KCTD14: variants seen among roughly 807,000 people sequenced by gnomAD.
KCTD14 encodes potassium channel tetramerization domain containing 14.
A neutral mutation model predicts 5.9 loss-of-function variants in KCTD14; 7 were observed. The ratio of observed to expected loss-of-function variants is 1.19; its 90% CI spans 0.68 to 2.23. The LOEUF is 2.23. Among genes scored for constraint, KCTD14 ranks in the 30% most tolerant of loss-of-function variants. The pLI is 0.00. For synonymous variants in KCTD14, 140 were observed against 133.1 expected (o/e 1.05, Z -0.36); for missense variants, 342 against 332.2 (o/e 1.03, Z -0.23).
At chr11:78,027,253 T>G (rs576272110), upstream of KCTD14, among the ~76,000 whole-genome samples, 3 of 152,228 alleles carry the variant, frequency 2.0e-5, no homozygotes, top group Non-Finnish European at 4.4e-5. Context: ...TTTCTGATTC[T>G]GAGGCATGGA....
upstream of KCTD14, among the ~76,000 whole-genome samples, chr11:78,026,047 G>T (rs1857453907): frequency 6.6e-6 from 1 of 152,164 alleles, no homozygotes; most frequent in South Asian, 2.1e-4. Flanking sequence ...ATTTTGCCAA[G>T]GTTAAGAACA....
At chr11:78,026,269 T>C (rs553947014), upstream of KCTD14, among the ~76,000 whole-genome samples, 8 of 152,134 alleles carry the variant, frequency 5.3e-5, no homozygotes, top group Middle Eastern at 3.4e-3. Flanking sequence ...AAACCCCATC[T>C]CTACTAAAAA....
At chr11:78,044,347 C>G (rs559980762) in intron 1 of KCTD14, among the ~76,000 whole-genome samples, 1 of 152,196 alleles carries the variant, frequency 6.6e-6, no homozygotes, top group Non-Finnish European at 1.5e-5. Context: ...ACATGTGGAC[C>G]CCGCAGAAAA....
At chr11:78,022,491 T>C (rs1275027998) in intron 1 of KCTD14, among the ~76,000 whole-genome samples, 2 of 152,100 alleles carry the variant, frequency 1.3e-5, no homozygotes, top group African/African-American at 2.4e-5. Context: ...ATCATGGCCC[T>C]ATTAGAGAGA....
rs74678136 is a variant in KCTD14 at position 78,034,869 on chromosome 11, C to T, written c.-1+3795G>A. ...CATTTCCACCCTGCTTTTATTCACTCTCCTTTGTAAAGAACAACGGCTTTG... is the reference window on the plus strand; with the variant it reads ...CATTTCCACCCTGCTTTTATTCACTTTCCTTTGTAAAGAACAACGGCTTTG... On this transcript the variant is annotated intron_variant, in intron 2 of 2. Coordinates refer to the KCTD14 transcript ENST00000533144. Among the ~76,000 whole-genome samples, 12 of 152,294 alleles carry T rather than the reference C, an allele frequency of 7.9e-5. No homozygotes were observed. In the East Asian group the frequency reaches 1.9e-3, roughly 25 times the overall value.
chr11:78,016,976 A>G lies in KCTD14; in HGVS notation c.385T>C (p.Phe129Leu). The G allele has an allele frequency of 1.2e-6, 2 of 1,614,178 alleles. No individual in the cohort carries two copies. Among genetic ancestry groups the G allele is most frequent in the Non-Finnish European group, 1.7e-6 (2 of 1,180,036 alleles). ...TGCTTCCGAGACACCTGCTCACCAAAGATCTGTGGCATGTCCTCCAGCAGC... is the reference window on the plus strand; with the variant it reads ...TGCTTCCGAGACACCTGCTCACCAAGGATCTGTGGCATGTCCTCCAGCAGC... Reference protein sequence around the residue: ...VKLLEDMPQIFGEQVSRKQFL... With the variant: ...VKLLEDMPQILGEQVSRKQFL... Residue 129 changes from phenylalanine to leucine, a missense_variant, in exon 2 of 2, where the codon TTT (phenylalanine) becomes CTT (leucine). Phe to Leu is a conservative substitution (Grantham distance 22). Transcript: ENST00000353172.
At chr11:78,030,878 C>T (rs1857593400) in intron 2 of KCTD14, among the ~76,000 whole-genome samples, 1 of 152,042 alleles carries the variant, frequency 6.6e-6, no homozygotes, top group African/African-American at 2.4e-5. Context: ...GAGACCCCTG[C>T]CAACCCACAA....
chr11:78,025,114 GTGTGTATATATATATATATATATA>G (rs1273229735), upstream of KCTD14, among the ~76,000 whole-genome samples: 39 of 66,840 alleles, frequency 5.8e-4, no homozygotes, highest in African/African-American at 3.0e-3. Context: ...GTGTGTGTGT[GTGTGTATATATATATATATATATA>G]TATATATATA....
chr11:78,027,098 CA>C (rs571133491), upstream of KCTD14, among the ~76,000 whole-genome samples: 17 of 150,610 alleles, frequency 1.1e-4, no homozygotes, highest in Non-Finnish European at 2.2e-4. Flanking sequence ...GAATCCGTCT[CA>C]AAAAAAATTA....
chr11:78,023,118 C>A, intron 1 of KCTD14, 42 bp downstream of exon 1: 1 of 1,327,272 alleles, frequency 7.5e-7, no homozygotes, highest in East Asian at 2.5e-5. Flanking sequence ...AGGGAAGAGG[C>A]GGAGGACAGA....
chr11:78,018,407 A>T lies in KCTD14; in HGVS notation c.91-1137T>A, dbSNP rs543293964. On this transcript the variant is annotated intron_variant, in intron 1 of 1. Coordinates refer to ENST00000353172, the MANE Select transcript of KCTD14 (RefSeq NM_023930.4). ...TTTTAAATAGATTTAAGGAAAAAAA[A>T]TTTTTTTTTTAAGTAAAGGCCGGGC... 7.4e-3 allele frequency among the ~76,000 whole-genome samples: 1,097 copies of T among 148,184 alleles called. 15 individuals carry two copies. The highest frequency in any genetic ancestry group is 0.026 in the African/African-American group (1,039 of 40,464).
rs1485952714 is a variant in KCTD14, at chr11:78,017,220, G to GTACC, written c.140_141insGGTA (p.Leu48ValfsTer19). The stretch of plus-strand genomic sequence containing the variant: ...CCGGAAACTTCCTCAGGGTACCCAG[G>GTACC]GTGGTGGTGTGGAACTCACCCCCGA... On this transcript the variant is annotated frameshift_variant, in exon 2 of 2. Transcript: ENST00000353172. LOFTEE classifies it low-confidence loss of function (END_TRUNC). The GTACC allele has an allele frequency of 2.5e-6, 4 of 1,611,706 alleles. No homozygotes were observed. In the East Asian group the frequency reaches 8.9e-5, roughly 36 times the overall value.
intron 2 of KCTD14, among the ~76,000 whole-genome samples, chr11:78,028,814 G>A (rs535228785): frequency 2.6e-5 from 4 of 152,214 alleles, no homozygotes; most frequent in East Asian, 1.9e-4. Context: ...GGTGGCACAC[G>A]TGTGTAGTCA....
chr11:78,025,570 A>G (rs1372776904), upstream of KCTD14, among the ~76,000 whole-genome samples: 1 of 152,180 alleles, frequency 6.6e-6, no homozygotes, highest in Non-Finnish European at 1.5e-5. Flanking sequence ...AGTTTTGCTT[A>G]TGTTTGCAAA....
chr11:78,023,514 C>T, upstream of KCTD14: 2 of 464,216 alleles, frequency 4.3e-6, no homozygotes, highest in Non-Finnish European at 7.6e-6. Context: ...TTCTTTCTTT[C>T]TTTCTTTTTT....
intron 1 of KCTD14, among the ~76,000 whole-genome samples, chr11:78,039,489 A>G (rs1857929496): frequency 2.0e-5 from 3 of 151,594 alleles, no homozygotes; most frequent in Admixed American, 6.6e-5. Context: ...TGATCTCACC[A>G]CTGTACTCCA....
At chr11:78,045,279 A>T (rs1858103434) in intron 1 of KCTD14, among the ~76,000 whole-genome samples, 2 of 152,024 alleles carry the variant, frequency 1.3e-5, no homozygotes, top group Admixed American at 6.6e-5. Context: ...ATTTTTTTGT[A>T]TTTTTTGTAG....
rs535223576 is a variant in KCTD14 at position 78,041,742 on chromosome 11, G to A, written c.-95-2984C>T. Among the ~76,000 whole-genome samples the A allele has an allele frequency of 9.2e-5, 14 of 152,274 alleles. No individual in the cohort carries two copies. In the East Asian group the frequency reaches 9.6e-4, roughly 10 times the overall value. On this transcript the variant is annotated intron_variant, in intron 1 of 2. Coordinates refer to the KCTD14 transcript ENST00000533144. ...GTTTGCCACTGACTCCCATCCCTCC[G>A]GATCTGGCAGGGTGTCCTCTGTGCT... is the stretch of plus-strand genomic sequence containing the variant.
At chr11:78,031,402 A>C (rs1857611945) in intron 2 of KCTD14, among the ~76,000 whole-genome samples, 1 of 151,850 alleles carries the variant, frequency 6.6e-6, no homozygotes, top group Non-Finnish European at 1.5e-5. Flanking sequence ...TTTTTGAGAC[A>C]GGGTCTTGCT....
Sources: gnomAD v4.1 joint callset for allele counts (sites outside exome capture counted in the v4.1 genomes callset) on GRCh38, gnomAD v4.1.1 for gene constraint, MANE v1.5 for transcripts, NCBI Gene and HGNC (gene_info 2026-07-23, HGNC 2026-07-21) for gene names.